PFKFB1: variants seen among roughly 807,000 people sequenced by gnomAD.
PFKFB1 encodes the protein 6-phosphofructo-2-kinase/fructose-2,6-biphosphatase 1, also known as 6-phosphofructo-2-kinase/fructose-2,6-bisphosphatase 1.
In PFKFB1, 34 loss-of-function variants were observed where a neutral mutation model predicts 46.4. The observed-to-expected ratio is 0.73, with a 90% CI of 0.56 to 0.98. The LOEUF is 0.98. Among genes scored for constraint, PFKFB1 ranks in the 50% least tolerant of loss-of-function variants. The probability of loss-of-function intolerance (pLI) is 0.00; values close to 1 mark genes in which losing one functional copy is unlikely to be tolerated. For missense variants in PFKFB1, 393 were observed against 376.3 expected, an observed-to-expected ratio of 1.04 and a Z score of -0.37; for synonymous variants, 119 against 133.8, an observed-to-expected ratio of 0.89 and a Z score of 0.76.
At chrX:54,936,526 C>T (rs1933401297) in intron 11 of PFKFB1, among the ~76,000 whole-genome samples, 1 of 111,805 alleles carries the variant, frequency 8.9e-6, no homozygotes. Context: ...CTCTGAGCCC[C>T]ATGACCTTGT....
At chrX:54,958,614 C>G (rs999895150) in intron 5 of PFKFB1, among the ~76,000 whole-genome samples, 1 of 111,160 alleles carries the variant, frequency 9.0e-6, no homozygotes, top group Non-Finnish European at 1.9e-5. Flanking sequence ...TAGTGACTCT[C>G]TCCACTCTTT....
Position 54,956,164 on chromosome X carries a change from C to T in PFKFB1, c.627G>A (p.Glu209=). 1 of 1,202,345 alleles carries T rather than the reference C, an allele frequency of 8.3e-7. No homozygotes were observed. Among genetic ancestry groups the T allele is most frequent in the Non-Finnish European group, 1.1e-6 (1 of 887,290 alleles). ...GTGCTGGCTCTTACCTGTCCAGTTC[C>T]TCATCCAAGGGTTGGTAGTTGACCT... ...CYEVNYQPLD[E]ELDSHLSYIK... is the part of the protein sequence containing the mutation. Residue 209 remains glutamate, a synonymous_variant, in exon 7 of 14, where the codon GAG becomes GAA. Transcript: ENST00000375006.
Position 54,983,517 on chromosome X carries a change from C to A in PFKFB1, c.97+10394G>T, listed in dbSNP as rs1048404453. Among the ~76,000 whole-genome samples the A allele has an allele frequency of 6.2e-5, 7 of 112,157 alleles. No individual in the cohort carries two copies. In the East Asian group the frequency reaches 2.0e-3, roughly 32 times the overall value. ...ATGATGTCATTCTTTTTTATGGCTG[C>A]ATAGTATTCCACGGCATACACATAC... is the stretch of plus-strand genomic sequence containing the variant. On this transcript the variant is annotated intron_variant, in intron 1 of 13. Transcript: ENST00000375006.
intron 8 of PFKFB1, 98 bp from the exon 9 acceptor site, chrX:54,949,319 A>G: frequency 1.5e-6 from 1 of 647,141 alleles, no homozygotes; most frequent in South Asian, 3.6e-5. Context: ...CCACAAATTG[A>G]GTGGTGATGA....
chrX:54,975,342 G>A (rs1934809331), intron 1 of PFKFB1, among the ~76,000 whole-genome samples: 1 of 111,266 alleles, frequency 9.0e-6, no homozygotes, highest in Admixed American at 9.6e-5. Flanking sequence ...AACTTGGATG[G>A]AGATGGTGGC....
chrX:54,959,722 A>G (rs1348390836), intron 4 of PFKFB1, 105 bp downstream of exon 4: 1 of 522,982 alleles, frequency 1.9e-6, no homozygotes, highest in Admixed American at 3.1e-5. Context: ...AATATATGCA[A>G]ATACTCAGAA....
intron 1 of PFKFB1, among the ~76,000 whole-genome samples, chrX:54,972,155 A>G (rs1226478581): frequency 9.0e-6 from 1 of 111,410 alleles, no homozygotes; most frequent in African/African-American, 3.3e-5. Flanking sequence ...TTATTGGTGT[A>G]TAAGAATGCT....
rs1270470364 is a variant in PFKFB1 at position 54,949,236 on chromosome X, T to C, written c.847-15A>G. ...GCATAGGCATACTAGGATGTGGGGA[T>C]GCAGAGGAGGAGAGAAGGGGAAAAG... On this transcript the variant is annotated splice_polypyrimidine_tract_variant and intron_variant, in intron 8 of 13. Coordinates refer to ENST00000375006, the MANE Select transcript of PFKFB1 (RefSeq NM_002625.4). The C allele has an allele frequency of 8.5e-7, 1 of 1,178,569 alleles. No individual in the cohort carries two copies. The highest frequency in any genetic ancestry group is 1.1e-6 in the Non-Finnish European group (1 of 874,585).
intron 1 of PFKFB1, among the ~76,000 whole-genome samples, chrX:54,973,391 T>G (rs1433874172): frequency 9.0e-6 from 1 of 111,405 alleles, no homozygotes; most frequent in African/African-American, 3.3e-5. Context: ...AGCTTTTGAA[T>G]GTGTTTGCTC....
chrX:54,934,569 G>A (rs1426417410), intron 12 of PFKFB1, among the ~76,000 whole-genome samples: 1 of 111,693 alleles, frequency 9.0e-6, no homozygotes, highest in Non-Finnish European at 1.9e-5. Context: ...CCCTGTTCAT[G>A]AACCTTTCAT....
At chrX:54,986,138 T>C (rs1450435344) in intron 1 of PFKFB1, among the ~76,000 whole-genome samples, 3 of 111,718 alleles carry the variant, frequency 2.7e-5, no homozygotes, top group Non-Finnish European at 5.7e-5. Flanking sequence ...GCATGCTGCC[T>C]ACAGAAGATA....
upstream of PFKFB1, chrX:54,994,288 G>A: frequency 1.3e-6 from 1 of 754,020 alleles, no homozygotes; most frequent in East Asian, 1.5e-4. Context: ...AACTCCAAGG[G>A]CTGTGTACAT....
At chrX:54,943,504 C>T (rs191356291) in intron 10 of PFKFB1, among the ~76,000 whole-genome samples, 1,285 of 112,195 alleles carry the variant, frequency 0.011, 21 homozygotes, top group African/African-American at 0.038. Context: ...GTAATCCTAG[C>T]ACTTTGGGAG....
At chrX:54,934,486 C>T (rs1234150676) in intron 12 of PFKFB1, among the ~76,000 whole-genome samples, 1 of 111,646 alleles carries the variant, frequency 9.0e-6, no homozygotes, top group Non-Finnish European at 1.9e-5. Flanking sequence ...TCCCTGTGGA[C>T]TGCACCTTAC....
intron 10 of PFKFB1, among the ~76,000 whole-genome samples, chrX:54,941,265 G>A (rs1048270409): frequency 7.2e-5 from 8 of 111,800 alleles, no homozygotes; most frequent in African/African-American, 9.8e-5. Context: ...AGACTTAAAC[G>A]TTAGACCTAA....
chrX:54,941,513 C>T (rs1168220568), intron 10 of PFKFB1, among the ~76,000 whole-genome samples: 5 of 111,556 alleles, frequency 4.5e-5, no homozygotes, highest in African/African-American at 1.6e-4. Context: ...GGCTAATATC[C>T]AGAATGTACA....
chrX:54,993,953 G>A lies in PFKFB1; in HGVS notation c.55C>T (p.Pro19Ser). The change falls in exon 1 of 14, where the codon CCA becomes TCA. Residue 19 changes from proline to serine, a missense_variant. By Grantham distance (74) the Pro-to-Ser change is moderately conservative. Coordinates refer to ENST00000375006, the MANE Select transcript of PFKFB1 (RefSeq NM_002625.4). ...TQTRLQKIWIPHSSGSSRLQR... is the reference protein window; with the variant it reads ...TQTRLQKIWISHSSGSSRLQR... ...AGCCTGCTGCTGCCGCTGCTGTGTG[G>A]AATCCAGATCTTCTGCAACCTGGTT... 8.3e-7 allele frequency: 1 copy of A among 1,208,083 alleles called. No homozygotes were observed. Among genetic ancestry groups the A allele is most frequent in the East Asian group, 3.0e-5 (1 of 33,757 alleles).
chrX:54,939,940 AAGG>A (rs1182834193), intron 10 of PFKFB1, among the ~76,000 whole-genome samples: 2 of 112,005 alleles, frequency 1.8e-5, no homozygotes, highest in African/African-American at 6.5e-5. Flanking sequence ...GACACAAAAA[AAGG>A]AGAATTTTAG....
rs939219340 is a variant in PFKFB1, at chrX:54,937,360, T to C, written c.1228+235A>G. On this transcript the variant is annotated intron_variant, in intron 11 of 13. Transcript: ENST00000375006. ...AACTGTTCTAAACTTTTTACTTATG[T>C]TATTTAAAATTCATCATTATTCTCC... Among the ~76,000 whole-genome samples, 7 of 112,390 alleles carry C rather than the reference T, an allele frequency of 6.2e-5. No homozygotes were observed. In the East Asian group the frequency reaches 1.4e-3, roughly 22 times the overall value.
Sources: gnomAD v4.1 joint callset for allele counts (sites outside exome capture counted in the v4.1 genomes callset) on GRCh38, gnomAD v4.1.1 for gene constraint, MANE v1.5 for transcripts, NCBI Gene and HGNC (gene_info 2026-07-23, HGNC 2026-07-21) for gene names.